RBFOX1: variants seen among roughly 807,000 people sequenced by gnomAD.
RBFOX1 encodes RNA binding fox-1 homolog 1, also known as RNA binding protein fox-1 homolog 1.
Under a neutral mutation model 57.7 loss-of-function variants are expected in RBFOX1, and 8 were observed. That is an observed-to-expected ratio of 0.14 (90% CI 0.08 to 0.25). The LOEUF is 0.25. Ranked by LOEUF, RBFOX1 falls within the 10% of genes least tolerant of loss-of-function variation. The probability of loss-of-function intolerance (pLI) is 1.00; values close to 1 mark genes in which losing one functional copy is unlikely to be tolerated. For synonymous variants in RBFOX1, 326 were observed against 222.4 expected (o/e 1.47, Z -4.15); for missense variants, 611 against 548.5 (o/e 1.11, Z -1.14).
intron 3 of RBFOX1, among the ~76,000 whole-genome samples, chr16:6,900,376 C>T (rs529845449): frequency 3.5e-4 from 54 of 152,314 alleles, no homozygotes; most frequent in African/African-American, 1.2e-3. Context: ...TAACCTCTAT[C>T]CATGCTCCCA....
At chr16:5,357,330 A>T (rs1484595833) in intron 1 of RBFOX1, among the ~76,000 whole-genome samples, 2 of 152,182 alleles carry the variant, frequency 1.3e-5, no homozygotes, top group Non-Finnish European at 2.9e-5. Context: ...CTCTCCCAGG[A>T]ATATGGACTT....
chr16:7,232,782 C>G (rs4786988), intron 4 of RBFOX1, among the ~76,000 whole-genome samples: 100,255 of 150,058 alleles, frequency 0.67, 35,153 homozygotes, highest in East Asian at 0.96. Flanking sequence ...GGGAGGTTGC[C>G]GTGAGCTGAG....
intron 3 of RBFOX1, among the ~76,000 whole-genome samples, chr16:6,768,731 A>G (rs1298114947): frequency 6.7e-6 from 1 of 148,578 alleles, no homozygotes; most frequent in Non-Finnish European, 1.5e-5. Flanking sequence ...TTATGATGAT[A>G]TTATTTTTCT....
At position 6,719,607 on chromosome 16, in the gene RBFOX1, A is replaced by AT. The variant is rs879356515; in HGVS notation, c.-16+64969dup. On this transcript the variant is annotated intron_variant, in intron 3 of 15. Transcript: ENST00000550418. Reference sequence around the variant, plus strand: ...AGGTGCCCATCACCACGCCCGGCTAATTTTTTTTTTTTGTATTTTTAGTAG... The same window carrying AT: ...AGGTGCCCATCACCACGCCCGGCTAATTTTTTTTTTTTTGTATTTTTAGTAG... Among the ~76,000 whole-genome samples the AT allele has an allele frequency of 5.5e-3, 796 of 144,908 alleles. 7 individuals are homozygous for AT. Among genetic ancestry groups the AT allele is most frequent in the East Asian group, 0.017 (83 of 4,870 alleles).
At chr16:6,408,660 C>T (rs2093363129) in intron 2 of RBFOX1, among the ~76,000 whole-genome samples, 1 of 152,146 alleles carries the variant, frequency 6.6e-6, no homozygotes, top group South Asian at 2.1e-4. Flanking sequence ...CTCTCTGACA[C>T]CGTAGTGTTA....
chr16:7,371,344 G>T (rs1012489447), intron 4 of RBFOX1, among the ~76,000 whole-genome samples: 1 of 152,126 alleles, frequency 6.6e-6, no homozygotes, highest in African/African-American at 2.4e-5. Context: ...TTCAAATGAT[G>T]CTAGTAACGG....
intron 2 of RBFOX1, among the ~76,000 whole-genome samples, chr16:5,501,895 TA>T (rs925300913): frequency 1.1e-4 from 17 of 152,200 alleles, no homozygotes; most frequent in Admixed American, 9.8e-4. Flanking sequence ...TTTATTTATT[TA>T]TTTTTTTTGT....
chr16:6,838,841 G>A (rs903502091), intron 3 of RBFOX1, among the ~76,000 whole-genome samples: 25 of 151,802 alleles, frequency 1.6e-4, no homozygotes, highest in African/African-American at 4.6e-4. Flanking sequence ...GTGCTTCCCC[G>A]TCATACTCTG....
At chr16:7,013,092 C>T (rs1390388573) in intron 3 of RBFOX1, among the ~76,000 whole-genome samples, 1 of 152,092 alleles carries the variant, frequency 6.6e-6, no homozygotes, top group Non-Finnish European at 1.5e-5. Flanking sequence ...ATGATGTTAT[C>T]TTCTCAAAAG....
At chr16:7,005,674 C>T (rs754441023) in intron 3 of RBFOX1, among the ~76,000 whole-genome samples, 2 of 152,136 alleles carry the variant, frequency 1.3e-5, no homozygotes, top group African/African-American at 4.8e-5. Context: ...CATAGAATAT[C>T]AGCATCAGAC....
intron 4 of RBFOX1, among the ~76,000 whole-genome samples, chr16:7,457,615 C>G (rs143148018): frequency 6.6e-6 from 1 of 152,074 alleles, no homozygotes; most frequent in Non-Finnish European, 1.5e-5. Context: ...TGTGAATGTT[C>G]CTTGTGAAGT....
At chr16:5,255,274 A>G (rs1004558578) in intron 1 of RBFOX1, among the ~76,000 whole-genome samples, 2 of 151,856 alleles carry the variant, frequency 1.3e-5, no homozygotes, top group African/African-American at 4.8e-5. Context: ...CCCCGGATAA[A>G]TGCTCAAGTC....
At chr16:6,288,501 A>G (rs942478205) in intron 1 of RBFOX1, among the ~76,000 whole-genome samples, 1 of 152,194 alleles carries the variant, frequency 6.6e-6, no homozygotes, top group Non-Finnish European at 1.5e-5. Flanking sequence ...TATTGTACAT[A>G]CATGATTTTG....
intron 4 of RBFOX1, among the ~76,000 whole-genome samples, chr16:7,266,123 C>G (rs575201760): frequency 6.6e-6 from 1 of 151,794 alleles, no homozygotes; most frequent in African/African-American, 2.4e-5. Flanking sequence ...TACAGGCGCT[C>G]GCCAATACAC....
At chr16:5,440,291 T>G (rs894385582) in intron 1 of RBFOX1, among the ~76,000 whole-genome samples, 11 of 152,220 alleles carry the variant, frequency 7.2e-5, no homozygotes, top group African/African-American at 2.4e-4. Context: ...AATTATATAT[T>G]CACATCCAAG....
chr16:7,591,836 C>A (rs773346383), intron 7 of RBFOX1, among the ~76,000 whole-genome samples: 7 of 152,150 alleles, frequency 4.6e-5, no homozygotes, highest in Admixed American at 6.6e-5. Context: ...TTAAAAACTG[C>A]AAATTGCTGC....
chr16:6,937,283 T>G (rs1339289374), intron 3 of RBFOX1, among the ~76,000 whole-genome samples: 1 of 152,176 alleles, frequency 6.6e-6, no homozygotes, highest in Non-Finnish European at 1.5e-5. Flanking sequence ...CGACCAACAC[T>G]GTTTCCTTTT....
chr16:6,302,986 C>G lies in RBFOX1; in HGVS notation c.-126-14009C>G, dbSNP rs2079002443. Among the ~76,000 whole-genome samples, 4 of 152,286 alleles carry G rather than the reference C, an allele frequency of 2.6e-5. No homozygotes were observed. In the South Asian group the frequency reaches 6.2e-4, roughly 24 times the overall value. On this transcript the variant is annotated intron_variant, in intron 1 of 15. Coordinates refer to ENST00000550418, the MANE Select transcript of RBFOX1 (RefSeq NM_018723.4). Reference sequence around the variant, plus strand: ...TCACATATTTTATGTGGGGGTGTCTCTCATACTTGGGGCAGACCCCACTGC... The same window carrying G: ...TCACATATTTTATGTGGGGGTGTCTGTCATACTTGGGGCAGACCCCACTGC...
At chr16:7,068,131 T>G (rs1369887363) in intron 4 of RBFOX1, among the ~76,000 whole-genome samples, 1 of 152,054 alleles carries the variant, frequency 6.6e-6, no homozygotes, top group Non-Finnish European at 1.5e-5. Context: ...ACCCAGATTA[T>G]CCAGGATAAT....
Sources: gnomAD v4.1 joint callset for allele counts (sites outside exome capture counted in the v4.1 genomes callset) on GRCh38, gnomAD v4.1.1 for gene constraint, MANE v1.5 for transcripts, NCBI Gene and HGNC (gene_info 2026-07-23, HGNC 2026-07-21) for gene names.